Variants in HVCN1 observed in about 807,000 individuals in gnomAD.
HVCN1 encodes the protein hydrogen voltage gated channel 1.
HVCN1 carries 14 observed loss-of-function variants against 29.2 expected under a neutral mutation model. The ratio of observed to expected loss-of-function variants is 0.48; its 90% CI spans 0.32 to 0.75. The LOEUF (loss-of-function observed/expected upper bound fraction) is 0.75. Ranked by LOEUF, HVCN1 falls within the 30% of genes least tolerant of loss-of-function variation. HVCN1 has a pLI of 0.04. For missense variants in HVCN1, 263 were observed against 341.8 expected, an observed-to-expected ratio of 0.77 and a Z score of 1.82; for synonymous variants, 131 against 133.2, an observed-to-expected ratio of 0.98 and a Z score of 0.11.
chr12:110,698,854 A>G (rs1037432353), intron 2 of HVCN1, among the ~76,000 whole-genome samples: 1 of 152,222 alleles, frequency 6.6e-6, no homozygotes, highest in Non-Finnish European at 1.5e-5. Flanking sequence ...CCAGCCGGGC[A>G]CGGTGGCTCA....
chr12:110,665,016 C>T (rs1274144407), intron 3 of HVCN1, among the ~76,000 whole-genome samples: 2 of 152,072 alleles, frequency 1.3e-5, no homozygotes, highest in Admixed American at 1.3e-4. Context: ...ATGAGTAGAC[C>T]TAATCTAGCT....
chr12:110,677,123 T>C (rs1365068024), intron 3 of HVCN1, among the ~76,000 whole-genome samples: 1 of 152,084 alleles, frequency 6.6e-6, no homozygotes, highest in Non-Finnish European at 1.5e-5. Flanking sequence ...GCGGATCGCT[T>C]GAGCCCAGAA....
rs1378735610 is a variant in HVCN1, at chr12:110,661,254, A to G, written c.216T>C (p.Pro72=). ...CGGGGCCAGGGGCAGGGGCAACGTC[A>G]GGGGCTGCAGCTCTGCCTTCCTCGC... is the stretch of plus-strand genomic sequence containing the variant. ...VSGEEGRAAA[P]DVAPAPGPAP... is the part of the protein sequence containing the mutation. Residue 72 remains proline, a synonymous_variant, in exon 4 of 8, where the codon CCT becomes CCC. Transcript: ENST00000242607. This position sits in a 1 kb window ranked among gnomAD's most constrained non-coding sequence, Gnocchi z 6.2. 5 of 1,614,092 alleles carry G rather than the reference A, an allele frequency of 3.1e-6. No individual in the cohort carries two copies. Among genetic ancestry groups the G allele is most frequent in the African/African-American group, 1.3e-5 (1 of 75,030 alleles).
Position 110,650,267 on chromosome 12 carries a change from T to G in HVCN1, c.657A>C (p.Ser219=), listed in dbSNP as rs2067740201. ...VARIINGIII[S]VKTRSERQLL... ...GTTGCCGTTCTGAACGTGTCTTAACTGAGATGATAATCCCTGAAATAAAAT... is the reference window on the plus strand; with the variant it reads ...GTTGCCGTTCTGAACGTGTCTTAACGGAGATGATAATCCCTGAAATAAAAT... Residue 219 remains serine, a synonymous_variant, in exon 7 of 8, where the codon TCA becomes TCC. Transcript: ENST00000242607. 1.2e-6 allele frequency: 2 copies of G among 1,607,484 alleles called. No homozygotes were observed. The highest frequency in any genetic ancestry group is 1.7e-6 in the Non-Finnish European group (2 of 1,174,078).
chr12:110,666,288 T>C (rs2068350551), intron 3 of HVCN1, among the ~76,000 whole-genome samples: 1 of 151,658 alleles, frequency 6.6e-6, no homozygotes, highest in African/African-American at 2.4e-5. Flanking sequence ...CCAGGCATAG[T>C]GGCCAGCGCC....
At chr12:110,666,295 C>CG (rs2068351114) in intron 3 of HVCN1, among the ~76,000 whole-genome samples, 1 of 147,252 alleles carries the variant, frequency 6.8e-6, no homozygotes, top group African/African-American at 2.5e-5. Flanking sequence ...TAGTGGCCAG[C>CG]GCCTGTAGTC....
chr12:110,663,630 A>T (rs1593466263), intron 3 of HVCN1, among the ~76,000 whole-genome samples: 1 of 151,724 alleles, frequency 6.6e-6, no homozygotes, highest in African/African-American at 2.4e-5. Context: ...AAAAGAAAAA[A>T]AATTTATCTA....
At chr12:110,655,072 T>A (rs780108311) in intron 5 of HVCN1, among the ~76,000 whole-genome samples, 162 bp downstream of exon 5, 1 of 151,994 alleles carries the variant, frequency 6.6e-6, no homozygotes, top group Non-Finnish European at 1.5e-5. Context: ...TTGTAGTAAA[T>A]GCTAATCCAT....
intron 3 of HVCN1, among the ~76,000 whole-genome samples, chr12:110,681,281 G>A (rs2068960468): frequency 3.3e-5 from 5 of 152,086 alleles, no homozygotes; most frequent in African/African-American, 1.2e-4. Flanking sequence ...TAAGAAACAT[G>A]GTGCCATAAA....
At chr12:110,666,193 C>T (rs1457132145) in intron 3 of HVCN1, among the ~76,000 whole-genome samples, 4 of 151,832 alleles carry the variant, frequency 2.6e-5, no homozygotes, top group African/African-American at 7.3e-5. Flanking sequence ...CTGAGGCGGG[C>T]GGATCACAAG....
At chr12:110,662,571 G>A (rs957023017) in intron 3 of HVCN1, among the ~76,000 whole-genome samples, 2 of 152,172 alleles carry the variant, frequency 1.3e-5, no homozygotes, top group African/African-American at 4.8e-5. Flanking sequence ...TGGGTATAGT[G>A]GCGCATGCCT....
intron 4 of HVCN1, among the ~76,000 whole-genome samples, chr12:110,659,841 G>T (rs548731705): frequency 9.2e-5 from 14 of 152,298 alleles, no homozygotes; most frequent in Non-Finnish European, 1.6e-4. Context: ...GCTGACACGG[G>T]TGGATCACTT....
chr12:110,699,474 C>T (rs1395889271), intron 2 of HVCN1, among the ~76,000 whole-genome samples: 1 of 152,080 alleles, frequency 6.6e-6, no homozygotes, highest in East Asian at 1.9e-4. Flanking sequence ...CACTGCCTTC[C>T]AGCCGTCTCC....
At chr12:110,681,523 C>G (rs1328684256) in intron 3 of HVCN1, among the ~76,000 whole-genome samples, 1 of 152,174 alleles carries the variant, frequency 6.6e-6, no homozygotes. Flanking sequence ...TAGGGAACTA[C>G]AAATGAAGGA....
intron 3 of HVCN1, among the ~76,000 whole-genome samples, chr12:110,679,336 G>A (rs1055383694): frequency 1.3e-5 from 2 of 152,216 alleles, no homozygotes; most frequent in Non-Finnish European, 1.5e-5. Context: ...CACACACCTG[G>A]CTCTTAAGTT....
chr12:110,701,749 G>T (rs1253081338), intron 2 of HVCN1, among the ~76,000 whole-genome samples: 1 of 151,458 alleles, frequency 6.6e-6, no homozygotes, highest in Non-Finnish European at 1.5e-5. Flanking sequence ...TCCAGCTACT[G>T]GGGAGGCTGA....
rs945371680 is a variant in HVCN1 at position 110,648,812 on chromosome 12, A to C, written c.*598T>G. ...AAAGAGAGAGTTTATTTTATACAGT[A>C]GTTGTTTTATTTTATACAGTAGTTG... On this transcript the variant is annotated 3_prime_UTR_variant, in exon 8 of 8. Transcript: ENST00000242607. 6 of 326,140 alleles carry C rather than the reference A, an allele frequency of 1.8e-5. No individual in the cohort carries two copies. The highest frequency in any genetic ancestry group is 1.4e-4 in the African/African-American group (6 of 44,182). 20.2% of individuals were successfully genotyped at this position (326,140 alleles called of 1,614,324 possible).
chr12:110,690,874 C>T (rs2069390867), upstream of HVCN1, among the ~76,000 whole-genome samples: 1 of 152,140 alleles, frequency 6.6e-6, no homozygotes, highest in African/African-American at 2.4e-5. Flanking sequence ...CCTGCCTCAG[C>T]TTCCTGAGTA....
intron 3 of HVCN1, among the ~76,000 whole-genome samples, chr12:110,666,742 T>TTA (rs2068375851): frequency 6.6e-6 from 1 of 152,170 alleles, no homozygotes; most frequent in Non-Finnish European, 1.5e-5. Flanking sequence ...TTACTCTTGC[T>TTA]TATGCTTGAA....
Sources: gnomAD v4.1 joint callset for allele counts (sites outside exome capture counted in the v4.1 genomes callset) on GRCh38, gnomAD v4.1.1 for gene constraint, Gnocchi (gnomAD v3.1) non-coding constraint, MANE v1.5 for transcripts, NCBI Gene and HGNC (gene_info 2026-07-23, HGNC 2026-07-21) for gene names.